Variants in DLGAP2 observed in about 807,000 individuals in gnomAD.
DLGAP2 encodes DLG associated protein 2.
In DLGAP2, 26 loss-of-function variants were observed where a neutral mutation model predicts 100.3. The observed-to-expected ratio is 0.26, with a 90% confidence interval of 0.19 to 0.36. DLGAP2 has a LOEUF of 0.36. DLGAP2 is among the 10% of genes least tolerant of loss of function. The probability of loss-of-function intolerance (pLI) is 1.00; values close to 1 mark genes in which losing one functional copy is unlikely to be tolerated. For synonymous variants in DLGAP2, 886 were observed against 630.1 expected (o/e 1.41, Z -6.08); for missense variants, 1,858 against 1,453.2 (o/e 1.28, Z -4.53).
At chr8:1,303,607 A>G (rs1341507038) in intron 3 of DLGAP2, among the ~76,000 whole-genome samples, 1 of 152,108 alleles carries the variant, frequency 6.6e-6, no homozygotes, top group East Asian at 1.9e-4. Flanking sequence ...TTAACGGAGA[A>G]TCAGTAGAAA....
chr8:1,122,905 G>A (rs369739915), intron 2 of DLGAP2, among the ~76,000 whole-genome samples: 2 of 152,148 alleles, frequency 1.3e-5, no homozygotes, highest in East Asian at 1.9e-4. Context: ...TAGGAGCTCT[G>A]GGAAGAGTGT....
At chr8:1,181,507 C>T (rs1163833114) in intron 2 of DLGAP2, among the ~76,000 whole-genome samples, 4 of 151,920 alleles carry the variant, frequency 2.6e-5, no homozygotes, top group African/African-American at 9.7e-5. Context: ...AACTGACAGG[C>T]ACCGAGAGGG....
intron 3 of DLGAP2, among the ~76,000 whole-genome samples, chr8:1,465,700 G>A (rs1190660286): frequency 6.6e-6 from 1 of 152,248 alleles, no homozygotes. Context: ...AGACAGCCGT[G>A]TGGAAATGGG....
At chr8:1,495,972 A>C (rs1799534244) in intron 3 of DLGAP2, among the ~76,000 whole-genome samples, 1 of 152,118 alleles carries the variant, frequency 6.6e-6, no homozygotes, top group Non-Finnish European at 1.5e-5. Context: ...GGATGAAACA[A>C]GACTGTGAGT....
chr8:1,240,322 C>CTAGTTCTCTCACATGGTGCTGTGTG (rs1563273726), intron 2 of DLGAP2, among the ~76,000 whole-genome samples: 4 of 144,874 alleles, frequency 2.8e-5, no homozygotes. Flanking sequence ...GGTGCTGTGT[C>CTAGTTCTCTCACATGGTGCTGTGTG]TAGTTCTCTC....
chr8:1,431,791 A>G (rs774109664), intron 3 of DLGAP2, among the ~76,000 whole-genome samples: 1 of 152,182 alleles, frequency 6.6e-6, no homozygotes, highest in Non-Finnish European at 1.5e-5. Context: ...AAATGAAGAC[A>G]CTGATGCGTG....
At chr8:1,496,771 C>G (rs987183806) in intron 3 of DLGAP2, among the ~76,000 whole-genome samples, 16 of 152,166 alleles carry the variant, frequency 1.1e-4, no homozygotes, top group African/African-American at 3.9e-4. Flanking sequence ...TCCACGCTCT[C>G]CAGGCGGCAC....
chr8:1,519,230 G>T (rs1399537055), intron 4 of DLGAP2, among the ~76,000 whole-genome samples: 1 of 152,172 alleles, frequency 6.6e-6, no homozygotes, highest in Non-Finnish European at 1.5e-5. Flanking sequence ...GAACACCAAA[G>T]TTAGCTCAGC....
At chr8:1,587,297 C>T (rs1445980377) in intron 6 of DLGAP2, among the ~76,000 whole-genome samples, 1 of 152,132 alleles carries the variant, frequency 6.6e-6, no homozygotes, top group East Asian at 1.9e-4. Context: ...ATAACTTTGC[C>T]TATAGTGGTC....
intron 3 of DLGAP2, among the ~76,000 whole-genome samples, chr8:1,260,307 C>G (rs1460293776): frequency 6.6e-6 from 1 of 152,086 alleles, no homozygotes; most frequent in African/African-American, 2.4e-5. Flanking sequence ...TTCCCCCAAC[C>G]CCTCACCGAG....
At chr8:1,638,630 T>A (rs1162420155) in intron 8 of DLGAP2, among the ~76,000 whole-genome samples, 1 of 152,010 alleles carries the variant, frequency 6.6e-6, no homozygotes, top group Non-Finnish European at 1.5e-5. Flanking sequence ...GGTGCAGGAA[T>A]GGCTTTCAGA....
At chr8:1,071,113 C>A (rs1035707928) in intron 2 of DLGAP2, among the ~76,000 whole-genome samples, 1 of 152,296 alleles carries the variant, frequency 6.6e-6, no homozygotes, top group East Asian at 1.9e-4. Context: ...ACTGGCTGCT[C>A]CTCCCACGGA....
chr8:997,520 T>G (rs1800815377), intron 2 of DLGAP2, among the ~76,000 whole-genome samples: 1 of 152,170 alleles, frequency 6.6e-6, no homozygotes, highest in African/African-American at 2.4e-5. Flanking sequence ...ACACACAGTA[T>G]AAAATGTAGA....
chr8:752,617 C>G (rs752431477), intron 1 of DLGAP2, among the ~76,000 whole-genome samples: 2 of 152,164 alleles, frequency 1.3e-5, no homozygotes, highest in African/African-American at 2.4e-5. Context: ...CCTTGCTGAG[C>G]ACAGTGGGGG....
At chr8:1,083,609 T>A (rs991495844) in intron 2 of DLGAP2, among the ~76,000 whole-genome samples, 1 of 152,156 alleles carries the variant, frequency 6.6e-6, no homozygotes, top group Non-Finnish European at 1.5e-5. Flanking sequence ...CTAACTGATG[T>A]AGTGAAATGT....
intron 2 of DLGAP2, among the ~76,000 whole-genome samples, chr8:984,301 A>G (rs1302091861): frequency 6.6e-6 from 1 of 152,116 alleles, no homozygotes; most frequent in East Asian, 1.9e-4. Flanking sequence ...TCTCTCAAGG[A>G]TAATATTCTC....
intron 10 of DLGAP2, among the ~76,000 whole-genome samples, chr8:1,674,996 C>T (rs545467856): frequency 6.6e-6 from 1 of 152,330 alleles, no homozygotes; most frequent in East Asian, 1.9e-4. Flanking sequence ...ACACTAGAAA[C>T]GGGAATGGTA....
At chr8:1,380,710 ATTCTT>A (rs957591441) in intron 3 of DLGAP2, among the ~76,000 whole-genome samples, 4 of 152,126 alleles carry the variant, frequency 2.6e-5, no homozygotes, top group African/African-American at 9.7e-5. Context: ...ACTTTGAAAA[ATTCTT>A]TAATTACACG....
intron 3 of DLGAP2, among the ~76,000 whole-genome samples, chr8:1,276,917 A>C (rs1006014597): frequency 2.0e-5 from 3 of 152,198 alleles, no homozygotes; most frequent in South Asian, 4.1e-4. Flanking sequence ...AGCAAGGAAT[A>C]GGTGTTTGTT....
Sources: allele counts gnomAD v4.1 joint callset (sites outside exome capture counted in the v4.1 genomes callset), GRCh38; gene constraint gnomAD v4.1.1; transcripts MANE v1.5; gene names NCBI Gene and HGNC (gene_info 2026-07-23, HGNC 2026-07-21).